Variants in TBC1D16 observed in about 807,000 individuals in gnomAD.
The protein encoded by TBC1D16 is CTD-2529O21.1.
A neutral mutation model predicts 74.7 loss-of-function variants in TBC1D16; 58 were observed. The observed-to-expected ratio is 0.78, with a 90% confidence interval of 0.63 to 0.97. TBC1D16 has a LOEUF of 0.97. Ranked by LOEUF, TBC1D16 falls within the 50% of genes least tolerant of loss-of-function variation. The probability of loss-of-function intolerance (pLI) is 0.00; values close to 1 mark genes in which losing one functional copy is unlikely to be tolerated. For synonymous variants in TBC1D16, 493 were observed against 474.7 expected (o/e 1.04, Z -0.50); for missense variants, 1,014 against 1,079.5 (o/e 0.94, Z 0.85).
chr17:80,002,895 G>A (rs1053959731), intron 3 of TBC1D16, among the ~76,000 whole-genome samples: 12 of 152,218 alleles, frequency 7.9e-5, no homozygotes, highest in Admixed American at 2.0e-4. Context: ...GGAAGCACCC[G>A]GGAACGGTGG....
At chr17:80,034,840 T>C (rs1018738400) in intron 1 of TBC1D16, among the ~76,000 whole-genome samples, 1 of 152,224 alleles carries the variant, frequency 6.6e-6, no homozygotes, top group African/African-American at 2.4e-5. Context: ...CCTCTGGCAA[T>C]ATGCCGCCTC....
At chr17:79,982,028 T>A (rs2034604928) in intron 3 of TBC1D16, among the ~76,000 whole-genome samples, 1 of 152,260 alleles carries the variant, frequency 6.6e-6, no homozygotes. Flanking sequence ...CTTAGCCCTG[T>A]CGGTATGCAG....
At chr17:80,023,484 C>T (rs1015700252) in intron 1 of TBC1D16, among the ~76,000 whole-genome samples, 2 of 150,114 alleles carry the variant, frequency 1.3e-5, no homozygotes, top group African/African-American at 5.1e-5. Context: ...AGGCCCACAG[C>T]CCCTGCGGCC....
At chr17:80,018,178 C>CA (rs535459874) in intron 1 of TBC1D16, among the ~76,000 whole-genome samples, 2,643 of 86,032 alleles carry the variant, frequency 0.031, 31 homozygotes, top group Non-Finnish European at 0.041. Flanking sequence ...TTCTGGTAAG[C>CA]AAAAAAAAAA....
At chr17:80,024,527 G>GGCACACACAC (rs2036451498) in intron 1 of TBC1D16, among the ~76,000 whole-genome samples, 1 of 129,460 alleles carries the variant, frequency 7.7e-6, no homozygotes, top group African/African-American at 3.0e-5. Flanking sequence ...CGCACACCAT[G>GGCACACACAC]CACACACCAC....
chr17:79,959,809 G>A (rs1371694730), intron 3 of TBC1D16, among the ~76,000 whole-genome samples: 1 of 151,814 alleles, frequency 6.6e-6, no homozygotes, highest in Non-Finnish European at 1.5e-5. Flanking sequence ...AATAGGCCCA[G>A]GTTTCTTAGA....
At chr17:79,946,191 G>A (rs1217131234) in intron 9 of TBC1D16, among the ~76,000 whole-genome samples, 1 of 152,224 alleles carries the variant, frequency 6.6e-6, no homozygotes, top group African/African-American at 2.4e-5. Flanking sequence ...CCGTTTCCTG[G>A]AAGACAATTT....
At chr17:80,033,497 C>A (rs1250151689) in intron 1 of TBC1D16, among the ~76,000 whole-genome samples, 1 of 152,006 alleles carries the variant, frequency 6.6e-6, no homozygotes, top group Non-Finnish European at 1.5e-5. Flanking sequence ...CTCAGCCACC[C>A]AAATAGCTGG....
Position 79,950,799 on chromosome 17 carries a change from G to C in TBC1D16, c.1090-221C>G. ...TTCCCTCTGCGGCTCTCTCCTCCCC[G>C]GCCCACTGTGCCGCCGCCCCCCACT... On this transcript the variant is annotated intron_variant, in intron 5 of 11. Transcript: ENST00000310924. The surrounding 1 kb of genome is among the most constrained non-coding windows in gnomAD (Gnocchi z 4.6). The C allele has an allele frequency of 6.5e-7, 1 of 1,535,832 alleles. No individual in the cohort carries two copies. Among genetic ancestry groups the C allele is most frequent in the Non-Finnish European group, 8.7e-7 (1 of 1,146,748 alleles).
rs2144536483 is a variant in TBC1D16 at position 79,994,737 on chromosome 17, CA to C, written c.779+15422del. ...TTGCGCCCGGCCGAGAATGTTTTTT[CA>C]AAAAAGCAGGTCGCCAATCTGTGTA... On this transcript the variant is annotated intron_variant, in intron 3 of 11. Coordinates refer to ENST00000310924, the MANE Select transcript of TBC1D16 (RefSeq NM_019020.4). The surrounding 1 kb of genome is among the most constrained non-coding windows in gnomAD (Gnocchi z 4.6). 6.6e-6 allele frequency among the ~76,000 whole-genome samples: 1 copy of C among 152,052 alleles called. No homozygotes were observed. The highest frequency in any genetic ancestry group is 1.9e-4 in the East Asian group (1 of 5,134).
chr17:79,985,975 C>T lies in TBC1D16; in HGVS notation c.779+24185G>A, dbSNP rs1013768195. On this transcript the variant is annotated intron_variant, in intron 3 of 11. Coordinates refer to ENST00000310924, the MANE Select transcript of TBC1D16 (RefSeq NM_019020.4). This position sits in a 1 kb window ranked among gnomAD's most constrained non-coding sequence, Gnocchi z 4.9. ...GGTTATGAAAAACCATTTTTCCCAA[C>T]GAAACTCTTCTGCCAGGCGGCATAA... 7.9e-5 allele frequency among the ~76,000 whole-genome samples: 12 copies of T among 152,246 alleles called. No homozygotes were observed. Among genetic ancestry groups the T allele is most frequent in the African/African-American group, 1.9e-4 (8 of 41,472 alleles).
chr17:79,997,995 G>A lies in TBC1D16; in HGVS notation c.779+12165C>T, dbSNP rs574620515. On this transcript the variant is annotated intron_variant, in intron 3 of 11. Transcript: ENST00000310924. ...CAAAAATTAGCTGGGTGTGGTGGCGGGAGCCTGGAATCCCAGCTACTCAAG... is the reference window on the plus strand; with the variant it reads ...CAAAAATTAGCTGGGTGTGGTGGCGAGAGCCTGGAATCCCAGCTACTCAAG... Among the ~76,000 whole-genome samples the A allele has an allele frequency of 5.3e-4, 81 of 152,098 alleles. 1 individual carries two copies. The highest frequency in any genetic ancestry group is 1.9e-3 in the African/African-American group (80 of 41,508).
rs2032373977 is a variant in TBC1D16, at chr17:79,944,869, G to A, written c.1908+39C>T. The A allele has an allele frequency of 1.3e-6, 2 of 1,514,248 alleles. No homozygotes were observed. Among genetic ancestry groups the A allele is most frequent in the Non-Finnish European group, 1.8e-6 (2 of 1,128,152 alleles). 93.8% of individuals were successfully genotyped at this position (1,514,248 alleles called of 1,614,324 possible). Reference sequence around the variant, plus strand: ...GTGGCCACGGTGGTTCAGGGGCCATGGTCCCAACCTCCCCAGCCCTGGCCC... The same window carrying A: ...GTGGCCACGGTGGTTCAGGGGCCATAGTCCCAACCTCCCCAGCCCTGGCCC... On this transcript the variant is annotated intron_variant, in intron 10 of 11. Transcript: ENST00000310924. The surrounding 1 kb of genome is among the most constrained non-coding windows in gnomAD (Gnocchi z 7.7).
intron 3 of TBC1D16, among the ~76,000 whole-genome samples, chr17:79,955,613 T>C (rs966406604): frequency 4.6e-5 from 7 of 152,236 alleles, no homozygotes; most frequent in Non-Finnish European, 4.4e-5. Context: ...ATGTGATGCA[T>C]TGGAACTAAA....
In TBC1D16 at chr17:79,947,739, A is replaced by G. The variant is rs1049435526; in HGVS notation, c.1634T>C (p.Leu545Pro). Residue 545 changes from leucine (L) to proline (P), a missense_variant, in exon 9 of 12, where the codon CTG becomes CCG. Leu to Pro is a moderately conservative substitution (Grantham distance 98). Coordinates refer to ENST00000310924, the MANE Select transcript of TBC1D16 (RefSeq NM_019020.4). ...DLVAPILAEV[L>P]DESDTFWCFV... Reference sequence around the variant, plus strand: ...GCACCAGAAGGTGTCTGACTCATCCAGGACCTCGGCCAAGATGGGCGCCAC... The same window carrying G: ...GCACCAGAAGGTGTCTGACTCATCCGGGACCTCGGCCAAGATGGGCGCCAC... The G allele has an allele frequency of 1.2e-6, 2 of 1,613,920 alleles. No individual in the cohort carries two copies. The highest frequency in any genetic ancestry group is 2.7e-5 in the African/African-American group (2 of 74,938).
intron 3 of TBC1D16, among the ~76,000 whole-genome samples, chr17:79,970,305 A>C (rs1351017086): frequency 2.0e-5 from 3 of 152,036 alleles, no homozygotes; most frequent in African/African-American, 7.3e-5. Flanking sequence ...TGACTGCTAG[A>C]GTATGAGGTT....
At chr17:79,995,582 A>G (rs11150828) in intron 3 of TBC1D16, among the ~76,000 whole-genome samples, 47,225 of 134,454 alleles carry the variant, frequency 0.35, 9,399 homozygotes, top group Admixed American at 0.48. Flanking sequence ...TCAGGAGATC[A>G]AGATCATCCT....
intron 3 of TBC1D16, among the ~76,000 whole-genome samples, chr17:79,965,790 A>C (rs1435929019): frequency 6.6e-6 from 1 of 152,226 alleles, no homozygotes; most frequent in African/African-American, 2.4e-5. Context: ...AATGCCTCTG[A>C]AACTGTGTCC....
At chr17:79,946,559 CCT>C (rs2032558615) in intron 9 of TBC1D16, among the ~76,000 whole-genome samples, 1 of 152,166 alleles carries the variant, frequency 6.6e-6, no homozygotes, top group Admixed American at 6.5e-5. Flanking sequence ...CACTCTGTGT[CCT>C]GGGGTGGGGA....
Sources: gnomAD v4.1 joint callset for allele counts (sites outside exome capture counted in the v4.1 genomes callset) on GRCh38, gnomAD v4.1.1 for gene constraint, Gnocchi (gnomAD v3.1) non-coding constraint, MANE v1.5 for transcripts, NCBI Gene and HGNC (gene_info 2026-07-23, HGNC 2026-07-21) for gene names.